The following HSP90AA1 variants were observed in gnomAD, a reference collection of about 807,000 sequenced individuals.
The protein encoded by HSP90AA1 is heat shock protein HSP 90-alpha.
In HSP90AA1, 18 loss-of-function variants were observed where a neutral mutation model predicts 73.3. The observed-to-expected ratio is 0.25, with a 90% confidence interval of 0.17 to 0.36. The LOEUF (loss-of-function observed/expected upper bound fraction) is 0.36. HSP90AA1 is among the 10% of genes least tolerant of loss of function. The pLI is 1.00. For synonymous variants in HSP90AA1, 477 were observed against 296.9 expected (o/e 1.61, Z -6.24); for missense variants, 704 against 874.2 (o/e 0.81, Z 2.45).
Position 102,084,915 on chromosome 14 carries a change from CTCTTCTTTTTCTTTTTCT to C in HSP90AA1, c.729_746del (p.Glu244_Glu249del), listed in dbSNP as rs1566720149. 3 of 1,581,128 alleles carry C rather than the reference CTCTTCTTTTTCTTTTTCT, an allele frequency of 1.9e-6. No homozygotes were observed. The highest frequency in any genetic ancestry group is 1.7e-5 in the Admixed American group (1 of 59,568). On this transcript the variant is annotated inframe_deletion, in exon 5 of 11. Coordinates refer to ENST00000216281, the MANE Select transcript of HSP90AA1 (RefSeq NM_005348.4). ...TTTCAGGTTTGTCTTCCGACTCTTT[CTCTTCTTTTTCTTTTTCT>C]TCTTCTTTGTCTTCCTTTTCTTCAG... is the stretch of plus-strand genomic sequence containing the variant.
intron 1 of HSP90AA1, among the ~76,000 whole-genome samples, chr14:102,133,791 T>A (rs1427571218): frequency 6.6e-6 from 1 of 151,930 alleles, no homozygotes; most frequent in African/African-American, 2.4e-5. Flanking sequence ...CCTAAACTAG[T>A]TCTTAAAGAA....
intron 1 of HSP90AA1, among the ~76,000 whole-genome samples, chr14:102,110,680 C>T (rs764701604): frequency 4.7e-5 from 7 of 148,812 alleles, no homozygotes; most frequent in Non-Finnish European, 1.1e-4. Context: ...CCCGGGTTCA[C>T]GCCATTCTCC....
chr14:102,137,652 T>C (rs2050025881), intron 1 of HSP90AA1, among the ~76,000 whole-genome samples: 1 of 152,090 alleles, frequency 6.6e-6, no homozygotes, highest in African/African-American at 2.4e-5. Context: ...GATTTGGGTG[T>C]TGCTTATTGA....
chr14:102,121,766 TCAA>T (rs1213452345), intron 1 of HSP90AA1, among the ~76,000 whole-genome samples: 1 of 152,228 alleles, frequency 6.6e-6, no homozygotes, highest in African/African-American at 2.4e-5. Flanking sequence ...TCAGAAGTCA[TCAA>T]CAAAAATCCT....
intron 1 of HSP90AA1, among the ~76,000 whole-genome samples, chr14:102,115,796 A>G (rs2152622971): frequency 6.6e-6 from 1 of 152,208 alleles, no homozygotes; most frequent in African/African-American, 2.4e-5. Flanking sequence ...TTTTTTAGAG[A>G]TGGGGTCTCC....
chr14:102,093,746 G>T (rs1049406975), intron 2 of HSP90AA1, among the ~76,000 whole-genome samples: 5 of 152,156 alleles, frequency 3.3e-5, no homozygotes, highest in African/African-American at 1.2e-4. Flanking sequence ...GCCGAGGCGA[G>T]TGGATCACCT....
chr14:102,108,279 A>C (rs1331367193), intron 1 of HSP90AA1, among the ~76,000 whole-genome samples: 1 of 150,692 alleles, frequency 6.6e-6, no homozygotes, highest in Non-Finnish European at 1.5e-5. Context: ...AAAAAAAAAA[A>C]AAAAAAAATT....
At chr14:102,090,409 C>A (rs1379655348), upstream of HSP90AA1, among the ~76,000 whole-genome samples, 1 of 152,050 alleles carries the variant, frequency 6.6e-6, no homozygotes, top group Non-Finnish European at 1.5e-5. Context: ...GCTTCACCGC[C>A]TTTTCTGTCC....
chr14:102,086,864 C>T, intron 1 of HSP90AA1, 122 bp downstream of exon 1: 2 of 501,324 alleles, frequency 4.0e-6, no homozygotes, highest in Non-Finnish European at 5.2e-6. Context: ...CGCGGCCGCC[C>T]GGGAGCGCGG....
rs184222306 is a variant in HSP90AA1 at position 102,125,887 on chromosome 14, G to A, written c.155+13363C>T. Among the ~76,000 whole-genome samples, 27 of 152,190 alleles carry A rather than the reference G, an allele frequency of 1.8e-4. No individual in the cohort carries two copies. In the East Asian group the frequency reaches 2.5e-3, roughly 14 times the overall value. ...GAATGTCAGGCCCCAATCTACACAC[G>A]ACATGCCAAACAAAAATAGGCAGGA... On this transcript the variant is annotated intron_variant, in intron 1 of 11. Coordinates refer to the HSP90AA1 transcript ENST00000334701.
chr14:102,137,038 AC>A (rs1230259033), intron 1 of HSP90AA1, among the ~76,000 whole-genome samples: 1 of 151,886 alleles, frequency 6.6e-6, no homozygotes, highest in South Asian at 2.1e-4. Flanking sequence ...ACGTGGTGAA[AC>A]CCCGTCTCTA....
chr14:102,085,753 C>T lies in HSP90AA1; in HGVS notation c.529+5G>A, dbSNP rs1472764569. 6.2e-7 allele frequency: 1 copy of T among 1,613,894 alleles called. No homozygotes were observed. Among genetic ancestry groups the T allele is most frequent in the East Asian group, 2.2e-5 (1 of 44,902 alleles). On this transcript the variant is annotated splice_donor_5th_base_variant and intron_variant, in intron 3 of 10. Coordinates refer to ENST00000216281, the MANE Select transcript of HSP90AA1 (RefSeq NM_005348.4). ...CACTTAACCAGTGAATGTTCAGGTG[C>T]CTACCTGTGTCTGTCCTCACTGTGA...
chr14:102,136,634 T>C (rs2050002013), intron 1 of HSP90AA1, among the ~76,000 whole-genome samples: 2 of 137,854 alleles, frequency 1.5e-5, no homozygotes, highest in Non-Finnish European at 3.1e-5. Context: ...ACGCCTATAA[T>C]CCCAGCACTT....
intron 1 of HSP90AA1, among the ~76,000 whole-genome samples, chr14:102,117,853 G>A (rs1365738983): frequency 3.4e-4 from 51 of 152,188 alleles, no homozygotes; most frequent in Admixed American, 3.3e-3. Flanking sequence ...CTGAGCCAGG[G>A]TTTTGAGTCT....
At chr14:102,088,973 C>T (rs1344588628), upstream of HSP90AA1, among the ~76,000 whole-genome samples, 2 of 150,402 alleles carry the variant, frequency 1.3e-5, no homozygotes, top group Non-Finnish European at 2.9e-5. Flanking sequence ...ATGGCACAAT[C>T]TCTGCTCACT....
intron 2 of HSP90AA1, among the ~76,000 whole-genome samples, chr14:102,100,551 G>A (rs1015786775): frequency 2.7e-5 from 4 of 150,554 alleles, no homozygotes; most frequent in African/African-American, 4.9e-5. Context: ...TCAGCATCCC[G>A]AGTAGTTGGG....
intron 1 of HSP90AA1, among the ~76,000 whole-genome samples, chr14:102,127,947 T>C (rs1192225977): frequency 2.6e-5 from 4 of 151,856 alleles, no homozygotes; most frequent in African/African-American, 9.7e-5. Context: ...ACACCAGCCA[T>C]GTTTTGTTTT....
At chr14:102,084,371 A>G in intron 6 of HSP90AA1, 28 bp downstream of exon 6, 2 of 1,598,396 alleles carry the variant, frequency 1.3e-6, no homozygotes, top group Non-Finnish European at 1.7e-6. Flanking sequence ...AATCAGTGAC[A>G]GTGATTATTT....
At chr14:102,133,485 C>CTTTTTTT (rs34704566) in intron 1 of HSP90AA1, among the ~76,000 whole-genome samples, 2 of 134,310 alleles carry the variant, frequency 1.5e-5, no homozygotes, top group Non-Finnish European at 3.1e-5. Flanking sequence ...TAAACTAGTT[C>CTTTTTTT]TTTTTTTTTT....
Sources: allele counts gnomAD v4.1 joint callset (sites outside exome capture counted in the v4.1 genomes callset), GRCh38; gene constraint gnomAD v4.1.1; transcripts MANE v1.5; gene names NCBI Gene and HGNC (gene_info 2026-07-23, HGNC 2026-07-21).